WDR3: variants seen among roughly 807,000 people sequenced by gnomAD.
WDR3 encodes the protein WD repeat-containing protein 3.
A neutral mutation model predicts 123.7 loss-of-function variants in WDR3; 81 were observed. The ratio of observed to expected loss-of-function variants is 0.65; its 90% CI spans 0.55 to 0.79. The LOEUF (loss-of-function observed/expected upper bound fraction) is 0.79. WDR3 is among the 30% of genes least tolerant of loss of function. The pLI is 0.00. For missense variants in WDR3, 1,027 were observed against 1,123.2 expected (o/e 0.91, Z 1.22); for synonymous variants, 390 against 388.8 (o/e 1.00, Z -0.04).
At chr1:117,945,096 C>T (rs1240683575) in intron 11 of WDR3, among the ~76,000 whole-genome samples, 1 of 152,200 alleles carries the variant, frequency 6.6e-6, no homozygotes, top group Non-Finnish European at 1.5e-5. Flanking sequence ...ACCACCTGCA[C>T]TGCCACTACC....
intron 16 of WDR3, among the ~76,000 whole-genome samples, chr1:117,951,406 T>C (rs1226590234): frequency 7.0e-6 from 1 of 142,216 alleles, no homozygotes; most frequent in Non-Finnish European, 1.5e-5. Context: ...AGACTCCGTC[T>C]CAAAAAAAAA....
chr1:117,942,875 A>C (rs572203541), intron 10 of WDR3, among the ~76,000 whole-genome samples: 12 of 150,518 alleles, frequency 8.0e-5, no homozygotes, highest in Admixed American at 7.3e-4. Context: ...TATCAGAACC[A>C]GGATCTGAGC....
In WDR3 at chr1:117,953,002, T is replaced by G. The variant is rs1407261639; in HGVS notation, c.2202+6T>G. The G allele has an allele frequency of 1.9e-6, 3 of 1,612,948 alleles. No homozygotes were observed. The highest frequency in any genetic ancestry group is 2.5e-6 in the Non-Finnish European group (3 of 1,179,268). ...CCAAAGAAGACCAACCAGCAGTAAG[T>G]AAATTTTGGGGACCTTGAGATTATG... On this transcript the variant is annotated splice_donor_region_variant and intron_variant, in intron 20 of 26. Coordinates refer to ENST00000349139, the MANE Select transcript of WDR3 (RefSeq NM_006784.3).
At chr1:117,935,419 C>T (rs1363805867) in intron 3 of WDR3, among the ~76,000 whole-genome samples, 1 of 151,762 alleles carries the variant, frequency 6.6e-6, no homozygotes, top group East Asian at 1.9e-4. Flanking sequence ...CATATAAACC[C>T]ATAATTTAAG....
chr1:117,945,736 TAA>T (rs1396154406), intron 11 of WDR3, among the ~76,000 whole-genome samples: 3 of 152,124 alleles, frequency 2.0e-5, no homozygotes, highest in African/African-American at 7.2e-5. Flanking sequence ...TGTGGTCCTA[TAA>T]AAAATGTAGG....
At chr1:117,945,614 C>A (rs970884801) in intron 11 of WDR3, among the ~76,000 whole-genome samples, 3 of 152,214 alleles carry the variant, frequency 2.0e-5, no homozygotes, top group Non-Finnish European at 4.4e-5. Flanking sequence ...TCTGCTGTTT[C>A]ATCCACTGTT....
In WDR3 at chr1:117,943,504, G is replaced by A. The variant is rs1334166616; in HGVS notation, c.1206G>A (p.Gln402=). The A allele has an allele frequency of 6.2e-7, 1 of 1,614,108 alleles. No individual in the cohort carries two copies. Among genetic ancestry groups the A allele is most frequent in the African/African-American group, 1.3e-5 (1 of 75,018 alleles). Residue 402 remains glutamine (Q), a synonymous_variant, in exon 11 of 27, where the codon CAG becomes CAA. Transcript: ENST00000349139. ...TGAATCCATCCTTGCCTACTCCTCA[G>A]CCTGTCAGGACAAGCAGAATCACTA... ...YSLNPSLPTP[Q]PVRTSRITIG...
At position 117,950,017 on chromosome 1, in the gene WDR3, AC is replaced by A; in HGVS notation, c.1634del (p.Thr545IlefsTer4). The A allele has an allele frequency of 6.2e-7, 1 of 1,613,950 alleles. No homozygotes were observed. Among genetic ancestry groups the A allele is most frequent in the Non-Finnish European group, 8.5e-7 (1 of 1,179,916 alleles). The stretch of plus-strand genomic sequence containing the variant: ...TAGACTTTCTGTGAAGCAAACCCGA[AC>A]TTTGCAACTAGATGAAGATGTTCTG... Reference protein sequence around the residue: ...QKRLSVKQTRTLQLDEDVLCV... With the variant: ...QKRLSVKQTRXLQLDEDVLCV... On this transcript the variant is annotated frameshift_variant, in exon 15 of 27. Transcript: ENST00000349139. LOFTEE classifies it high-confidence loss of function.
In WDR3 at chr1:117,940,830, G is replaced by A. The variant is rs1239085243; in HGVS notation, c.679G>A (p.Glu227Lys). The change falls in exon 7 of 27, where the codon GAA becomes AAA. Residue 227 changes from glutamate (E) to lysine (K), a missense_variant. By Grantham distance (56) the Glu-to-Lys change is moderately conservative. Coordinates refer to ENST00000349139, the MANE Select transcript of WDR3 (RefSeq NM_006784.3). Reference sequence around the variant, plus strand: ...TTTTCTCATTTTTATAAAACAGATTGAAGACCCGGAAGAACCAGACCCCAA... The same window carrying A: ...TTTTCTCATTTTTATAAAACAGATTAAAGACCCGGAAGAACCAGACCCCAA... ...VWDIAYLQEIEDPEEPDPKKI... is the reference protein window; with the variant it reads ...VWDIAYLQEIKDPEEPDPKKI... 1.9e-6 allele frequency: 3 copies of A among 1,606,690 alleles called. No homozygotes were observed. The highest frequency in any genetic ancestry group is 1.7e-6 in the Non-Finnish European group (2 of 1,177,672).
At chr1:117,944,544 T>G (rs778354159) in intron 11 of WDR3, among the ~76,000 whole-genome samples, 18 of 152,212 alleles carry the variant, frequency 1.2e-4, no homozygotes, top group Non-Finnish European at 2.1e-4. Flanking sequence ...GATGTCTAAT[T>G]AAGCATTTCA....
At position 117,959,439 on chromosome 1, in the gene WDR3, T is replaced by C. The variant is rs116485472; in HGVS notation, c.2824T>C (p.Leu942=). 2,008 of 1,609,710 alleles carry C rather than the reference T, an allele frequency of 1.2e-3. 31 individuals carry two copies. The African/African-American group carries it at 0.023, about 19-fold the overall frequency. The change falls in exon 27 of 27, where the codon TTG becomes CTG. Residue 942 remains leucine (L), a synonymous_variant. Transcript: ENST00000349139. ...AAAGAGGGAGAAGTTGATTCTAACG[T>C]TGACTTAGAACTGAAATGTGGTATC... The part of the protein sequence containing the change: ...RKKREKLILT[L]T
intron 26 of WDR3, 66 bp downstream of exon 26, chr1:117,959,069 G>A (rs1652651127): frequency 6.7e-7 from 1 of 1,502,710 alleles, no homozygotes; most frequent in East Asian, 2.3e-5. Flanking sequence ...AAATAGTATA[G>A]TATGCTGTGC....
In WDR3 at chr1:117,941,228, G is replaced by A; in HGVS notation, c.891+3G>A. ...CAGGCAGGATTCTTGCTTGCCATGT[G>A]AGTACCATACTTAGGAGAAAATAAC... On this transcript the variant is annotated splice_donor_region_variant and intron_variant, in intron 8 of 26. Coordinates refer to ENST00000349139, the MANE Select transcript of WDR3 (RefSeq NM_006784.3). 3 of 1,613,810 alleles carry A rather than the reference G, an allele frequency of 1.9e-6. No homozygotes were observed. The South Asian group carries it at 3.3e-5, about 18-fold the overall frequency.
chr1:117,949,600 T>G (rs2295628), intron 13 of WDR3, 151 bp from the exon 14 acceptor site: 23,876 of 755,378 alleles, frequency 0.032, 1,331 homozygotes, highest in African/African-American at 0.17. Flanking sequence ...ACCCAAAAGA[T>G]CAGTGAAAGG....
At chr1:117,951,911 G>T in intron 16 of WDR3, 65 bp from the exon 17 acceptor site, 1 of 1,436,524 alleles carries the variant, frequency 7.0e-7, no homozygotes, top group Non-Finnish European at 9.6e-7. Flanking sequence ...AAATATTCTG[G>T]TTAGCTTTTT....
chr1:117,953,795 T>C, intron 21 of WDR3: 1 of 601,802 alleles, frequency 1.7e-6, no homozygotes, highest in Non-Finnish European at 2.9e-6. Context: ...TCATCCCACC[T>C]GAGTCCATGA....
intron 2 of WDR3, 51 bp downstream of exon 2, chr1:117,933,541 G>T (rs771172494): frequency 6.2e-7 from 1 of 1,607,934 alleles, no homozygotes; most frequent in Non-Finnish European, 8.5e-7. Context: ...TTTGAGGATG[G>T]AGAGGTAGTA....
rs1311121951 is a variant in WDR3, at chr1:117,959,615, G to A, written c.*168G>A. 1 of 626,654 alleles carries A rather than the reference G, an allele frequency of 1.6e-6. No homozygotes were observed. Among genetic ancestry groups the A allele is most frequent in the African/African-American group, 1.9e-5 (1 of 53,046 alleles). 38.8% of individuals were successfully genotyped at this position (626,654 alleles called of 1,614,324 possible). A position where few individuals can be genotyped will look rare whatever the true frequency, so the allele number is the denominator to read the frequency against. On this transcript the variant is annotated 3_prime_UTR_variant, in exon 27 of 27. Coordinates refer to ENST00000349139, the MANE Select transcript of WDR3 (RefSeq NM_006784.3). ...TTTGCCTGAGGGAATTCCAACATGA[G>A]ATTATGGGCTGGCTCCATTTCTTGG...
intron 3 of WDR3, 126 bp downstream of exon 3, chr1:117,934,808 TAG>T: frequency 1.1e-6 from 1 of 903,620 alleles, no homozygotes; most frequent in East Asian, 2.7e-5. Flanking sequence ...AGTATAATGA[TAG>T]AGTGAAGAGG....
Sources: allele counts gnomAD v4.1 joint callset (sites outside exome capture counted in the v4.1 genomes callset), GRCh38; gene constraint gnomAD v4.1.1; transcripts MANE v1.5; gene names NCBI Gene and HGNC (gene_info 2026-07-23, HGNC 2026-07-21).